RNGTT: variants seen among roughly 807,000 people sequenced by gnomAD.
The protein encoded by RNGTT is mRNA-capping enzyme.
Under a neutral mutation model 79.3 loss-of-function variants are expected in RNGTT, and 33 were observed. The observed-to-expected ratio is 0.42, with a 90% CI of 0.32 to 0.56. RNGTT has a LOEUF of 0.56. RNGTT is among the 20% of genes least tolerant of loss of function. RNGTT has a pLI of 0.17. For missense variants in RNGTT, 497 were observed against 739.1 expected, an observed-to-expected ratio of 0.67 and a Z score of 3.80; for synonymous variants, 222 against 235.9, an observed-to-expected ratio of 0.94 and a Z score of 0.54.
intron 14 of RNGTT, among the ~76,000 whole-genome samples, chr6:88,647,715 A>AAAGAAG (rs1554200969): frequency 1.9e-4 from 27 of 142,396 alleles, no homozygotes; most frequent in African/African-American, 6.1e-4. Context: ...AAAAAAAAAA[A>AAAGAAG]AAGAAGAAGA....
chr6:88,791,005 G>A (rs995413387), intron 12 of RNGTT, among the ~76,000 whole-genome samples: 6 of 152,008 alleles, frequency 3.9e-5, no homozygotes, highest in East Asian at 1.9e-4. Flanking sequence ...GAAAAATGGC[G>A]ACCTAGAGAT....
At chr6:88,802,198 C>T (rs890364773) in intron 11 of RNGTT, among the ~76,000 whole-genome samples, 3 of 152,160 alleles carry the variant, frequency 2.0e-5, no homozygotes, top group African/African-American at 7.2e-5. Context: ...CCAGCTCAAA[C>T]ATGGAGATTA....
chr6:88,879,415 A>G (rs1185097468), intron 8 of RNGTT, among the ~76,000 whole-genome samples: 1 of 152,156 alleles, frequency 6.6e-6, no homozygotes, highest in Non-Finnish European at 1.5e-5. Context: ...ATAAATAAAT[A>G]CTGTTACAGC....
At chr6:88,891,305 A>G (rs930279318) in intron 7 of RNGTT, among the ~76,000 whole-genome samples, 13 of 152,146 alleles carry the variant, frequency 8.5e-5, no homozygotes, top group African/African-American at 3.1e-4. Flanking sequence ...ACAGATACCA[A>G]TGATCAGCAG....
intron 14 of RNGTT, among the ~76,000 whole-genome samples, chr6:88,646,512 T>C (rs1480678787): frequency 6.6e-6 from 1 of 152,188 alleles, no homozygotes; most frequent in Non-Finnish European, 1.5e-5. Flanking sequence ...CAAAGGAATA[T>C]AAATCATGCT....
At chr6:88,664,171 T>C (rs760790940) in intron 14 of RNGTT, among the ~76,000 whole-genome samples, 10 of 152,008 alleles carry the variant, frequency 6.6e-5, no homozygotes, top group Non-Finnish European at 1.3e-4. Flanking sequence ...TAATGCGGTA[T>C]AGGGAAGCAC....
chr6:88,752,408 T>C (rs1777870363), intron 13 of RNGTT, among the ~76,000 whole-genome samples: 2 of 152,116 alleles, frequency 1.3e-5, no homozygotes, highest in African/African-American at 4.8e-5. Context: ...TTGGAGTGTC[T>C]AGCAATAAAA....
intron 2 of RNGTT, among the ~76,000 whole-genome samples, chr6:88,938,434 T>C (rs1784737882): frequency 6.6e-6 from 1 of 152,234 alleles, no homozygotes; most frequent in Admixed American, 6.5e-5. Context: ...ACAGTTGAGA[T>C]GAGTTTCTTG....
chr6:88,895,102 C>T (rs1421379435), intron 6 of RNGTT, among the ~76,000 whole-genome samples: 1 of 151,902 alleles, frequency 6.6e-6, no homozygotes, highest in African/African-American at 2.4e-5. Flanking sequence ...AAATATATTT[C>T]ATAAACAGAG....
At chr6:88,801,814 C>T (rs1001993945) in intron 11 of RNGTT, among the ~76,000 whole-genome samples, 182 bp from the exon 12 acceptor site, 6 of 140,064 alleles carry the variant, frequency 4.3e-5, no homozygotes, top group South Asian at 4.6e-4. Context: ...TTTGAATACA[C>T]ACACACAGAC....
chr6:88,649,919 T>C (rs1773733868), intron 14 of RNGTT, among the ~76,000 whole-genome samples: 1 of 152,192 alleles, frequency 6.6e-6, no homozygotes, highest in South Asian at 2.1e-4. Context: ...AGGGTATTCC[T>C]AGTACTCTAA....
intron 12 of RNGTT, among the ~76,000 whole-genome samples, chr6:88,788,253 C>T (rs55766145): frequency 0.021 from 3,124 of 152,010 alleles, 92 homozygotes; most frequent in African/African-American, 0.071. Context: ...AAGAGTAGGG[C>T]ATGAGAAAGA....
At chr6:88,853,276 G>C (rs1312883750) in intron 9 of RNGTT, among the ~76,000 whole-genome samples, 1 of 152,222 alleles carries the variant, frequency 6.6e-6, no homozygotes, top group Non-Finnish European at 1.5e-5. Context: ...GGGAGGCTGA[G>C]GCGGGTGGAT....
intron 4 of RNGTT, among the ~76,000 whole-genome samples, chr6:88,918,250 G>T (rs1393662918): frequency 6.6e-6 from 1 of 152,156 alleles, no homozygotes; most frequent in East Asian, 1.9e-4. Context: ...TCGAGACCAG[G>T]AGGTCGAGGA....
intron 13 of RNGTT, among the ~76,000 whole-genome samples, chr6:88,751,069 T>G (rs1242086430): frequency 6.6e-6 from 1 of 152,158 alleles, no homozygotes; most frequent in Non-Finnish European, 1.5e-5. Context: ...TACTGAATAG[T>G]GATGAATCAG....
chr6:88,883,593 A>G lies in RNGTT; in HGVS notation c.896+6902T>C, dbSNP rs141960395. Among the ~76,000 whole-genome samples, 211 of 152,302 alleles carry G rather than the reference A, an allele frequency of 1.4e-3. 4 individuals carry two copies. In the East Asian group the frequency reaches 0.035, roughly 25 times the overall value. On this transcript the variant is annotated intron_variant, in intron 8 of 15. Transcript: ENST00000369485. ...TTCTTCACAGCAAAGTAATAATAAT[A>G]ACAATGACAATAAAAGGAGTTTTTA...
Position 88,953,318 on chromosome 6 carries a change from A to G in RNGTT, c.64+10028T>C, listed in dbSNP as rs569153326. ...GGAAATGAAAGACACACTTAGAGAA[A>G]TACAAAATGCACTGGAAAATTTTAA... On this transcript the variant is annotated intron_variant, in intron 1 of 15. Transcript: ENST00000369485. Among the ~76,000 whole-genome samples, 16 of 152,324 alleles carry G rather than the reference A, an allele frequency of 1.1e-4. 1 individual carries two copies. In the South Asian group the frequency reaches 3.3e-3, roughly 32 times the overall value.
intron 6 of RNGTT, among the ~76,000 whole-genome samples, chr6:88,892,914 C>T (rs1783097716): frequency 1.3e-5 from 2 of 152,072 alleles, no homozygotes; most frequent in Admixed American, 1.3e-4. Flanking sequence ...CCAGCAGACA[C>T]TAGTCCTACT....
intron 8 of RNGTT, among the ~76,000 whole-genome samples, chr6:88,859,535 C>T (rs10944411): frequency 0.23 from 34,781 of 152,044 alleles, 4,546 homozygotes; most frequent in Non-Finnish European, 0.29. Flanking sequence ...AAGGAGGTGG[C>T]CACAAATGGC....
Sources: allele counts gnomAD v4.1 joint callset (sites outside exome capture counted in the v4.1 genomes callset), GRCh38; gene constraint gnomAD v4.1.1; transcripts MANE v1.5; gene names NCBI Gene and HGNC (gene_info 2026-07-23, HGNC 2026-07-21).